The following THNSL1 variants were observed in gnomAD, a reference collection of about 807,000 sequenced individuals.
THNSL1 encodes threonine synthase like 1.
A neutral mutation model predicts 50.4 loss-of-function variants in THNSL1; 48 were observed. The ratio of observed to expected loss-of-function variants is 0.95; its 90% CI spans 0.76 to 1.21. The LOEUF (loss-of-function observed/expected upper bound fraction) is 1.21, where lower values mean the gene tolerates loss of function less well. Among genes scored for constraint, THNSL1 ranks in the 50% most tolerant of loss-of-function variants. The probability of loss-of-function intolerance (pLI) is 0.00; values close to 1 mark genes in which losing one functional copy is unlikely to be tolerated. For synonymous variants in THNSL1, 309 were observed against 306.1 expected (o/e 1.01, Z -0.10); for missense variants, 896 against 871.7 (o/e 1.03, Z -0.35).
chr10:25,002,189 G>A, the THNSL1 span, among the ~76,000 whole-genome samples: 1 of 152,186 alleles, frequency 6.6e-6, no homozygotes, highest in South Asian at 2.1e-4. Context: ...GTCTCCACCT[G>A]GGCTGGTGGG....
the THNSL1 span, chr10:24,990,543 A>G: frequency 6.2e-7 from 1 of 1,614,010 alleles, no homozygotes; most frequent in East Asian, 2.2e-5. Context: ...TAACGATCAT[A>G]GTCTTCTTGG....
chr10:24,960,496 A>G, the THNSL1 span, among the ~76,000 whole-genome samples: 1 of 152,058 alleles, frequency 6.6e-6, no homozygotes, highest in South Asian at 2.1e-4. Context: ...GAGCAATCTC[A>G]GCTCACTGCA....
chr10:25,010,974 T>C, the THNSL1 span, among the ~76,000 whole-genome samples: 1 of 151,460 alleles, frequency 6.6e-6, no homozygotes, highest in Non-Finnish European at 1.5e-5. Context: ...ATGGGATGGC[T>C]GGGTCAAATG....
chr10:25,012,270 G>T (rs2132722624), upstream of THNSL1, among the ~76,000 whole-genome samples: 1 of 152,372 alleles, frequency 6.6e-6, no homozygotes, highest in African/African-American at 2.4e-5. Flanking sequence ...GGGCAGTGTG[G>T]AAGGGAAATA....
chr10:25,017,316 A>T (rs995488786), intron 1 of THNSL1, among the ~76,000 whole-genome samples: 5 of 152,172 alleles, frequency 3.3e-5, no homozygotes, highest in African/African-American at 1.2e-4. Context: ...TAGGAAAGTC[A>T]TTTAGACGCT....
At chr10:25,014,245 C>T (rs887963758), upstream of THNSL1, among the ~76,000 whole-genome samples, 1 of 152,054 alleles carries the variant, frequency 6.6e-6, no homozygotes, top group African/African-American at 2.4e-5. Context: ...AACTCTGAGG[C>T]GTGGGAGATC....
chr10:25,013,846 G>T, upstream of THNSL1, among the ~76,000 whole-genome samples: 1 of 152,088 alleles, frequency 6.6e-6, no homozygotes, highest in East Asian at 1.9e-4. Flanking sequence ...GGAGGCTGAG[G>T]CAGGAGAATC....
the THNSL1 span, among the ~76,000 whole-genome samples, chr10:25,004,257 T>C: frequency 6.6e-6 from 1 of 152,330 alleles, no homozygotes; most frequent in African/African-American, 2.4e-5. Flanking sequence ...TGTGTCTTTA[T>C]AATAGAACAA....
At chr10:24,968,926 C>T in the THNSL1 span, among the ~76,000 whole-genome samples, 2 of 152,180 alleles carry the variant, frequency 1.3e-5, no homozygotes, top group African/African-American at 2.4e-5. Flanking sequence ...CGGAGTCTCG[C>T]TCTGTCACCC....
At chr10:24,979,605 G>A in the THNSL1 span, among the ~76,000 whole-genome samples, 5 of 152,036 alleles carry the variant, frequency 3.3e-5, no homozygotes, top group South Asian at 4.1e-4. Flanking sequence ...AATGGCAGTT[G>A]CTGAGAGCTT....
At chr10:24,961,496 G>A in the THNSL1 span, among the ~76,000 whole-genome samples, 2 of 151,952 alleles carry the variant, frequency 1.3e-5, no homozygotes, top group African/African-American at 4.8e-5. Context: ...TAAGGTTCTT[G>A]ATATATATCT....
chr10:24,966,883 G>A, the THNSL1 span, among the ~76,000 whole-genome samples: 8 of 152,252 alleles, frequency 5.3e-5, no homozygotes, highest in East Asian at 9.6e-4. Flanking sequence ...TTAGAATAAC[G>A]CAGACCCTAG....
At chr10:25,002,096 T>C in the THNSL1 span, among the ~76,000 whole-genome samples, 3 of 152,174 alleles carry the variant, frequency 2.0e-5, no homozygotes, top group African/African-American at 7.2e-5. Flanking sequence ...CCACAAGTGC[T>C]TTTAGTCTAT....
rs769509222 is a variant in THNSL1 at position 25,025,124 on chromosome 10, C to T, written c.1901C>T (p.Thr634Ile). 1.9e-6 allele frequency: 3 copies of T among 1,614,070 alleles called. No individual in the cohort carries two copies. The highest frequency in any genetic ancestry group is 1.7e-5 in the Admixed American group (1 of 60,004). Reference protein sequence around the residue: ...CLAAINSTYNTSGYILDPHTA... With the variant: ...CLAAINSTYNISGYILDPHTA... ...GCAGCTATTAACTCCACCTATAATA[C>T]TTCAGGGTATATTTTGGATCCACAC... is the stretch of plus-strand genomic sequence containing the variant. The change falls in exon 3 of 3, where the codon ACT (threonine) becomes ATT (isoleucine). Residue 634 changes from threonine to isoleucine, a missense_variant. Coordinates refer to ENST00000376356, the MANE Select transcript of THNSL1 (RefSeq NM_024838.5).
At chr10:24,990,334 C>G in the THNSL1 span, 9 of 1,246,750 alleles carry the variant, frequency 7.2e-6, no homozygotes, top group Non-Finnish European at 9.8e-6. Flanking sequence ...TAGTTTTTAA[C>G]TGTAACCCAA....
At chr10:24,968,022 T>A in the THNSL1 span, among the ~76,000 whole-genome samples, 1 of 151,702 alleles carries the variant, frequency 6.6e-6, no homozygotes, top group Non-Finnish European at 1.5e-5. Context: ...TGTGTGTGTG[T>A]GTGTGTGTGT....
chr10:25,012,639 T>G (rs1020407074), upstream of THNSL1, among the ~76,000 whole-genome samples: 30 of 152,230 alleles, frequency 2.0e-4, no homozygotes, highest in African/African-American at 7.2e-4. Context: ...TTTTGGCCAA[T>G]TTCTGCTATT....
At chr10:25,016,000 C>T, upstream of THNSL1, 1 of 1,559,454 alleles carries the variant, frequency 6.4e-7, no homozygotes, top group South Asian at 1.2e-5. Context: ...CCAGTATCTC[C>T]GTCCCTTTCT....
At chr10:24,976,085 C>A in the THNSL1 span, among the ~76,000 whole-genome samples, 2 of 152,172 alleles carry the variant, frequency 1.3e-5, no homozygotes, top group African/African-American at 4.8e-5. Context: ...TCTACCCCTT[C>A]CTGGGAGACT....
Sources: allele counts gnomAD v4.1 joint callset (sites outside exome capture counted in the v4.1 genomes callset), GRCh38; gene constraint gnomAD v4.1.1; transcripts MANE v1.5; gene names NCBI Gene and HGNC (gene_info 2026-07-23, HGNC 2026-07-21).